The following CNTNAP3 variants were observed in gnomAD, a reference collection of about 807,000 sequenced individuals.
CNTNAP3 encodes contactin-associated protein-like 3.
A neutral mutation model predicts 92.1 loss-of-function variants in CNTNAP3; 36 were observed. The observed-to-expected ratio is 0.39, with a 90% CI of 0.30 to 0.52. The LOEUF is 0.52. CNTNAP3 is among the 20% of genes least tolerant of loss of function. CNTNAP3 has a pLI of 0.76. For missense variants in CNTNAP3, 534 were observed against 1,069.6 expected, an observed-to-expected ratio of 0.50 and a Z score of 6.98; for synonymous variants, 232 against 422.3, an observed-to-expected ratio of 0.55 and a Z score of 5.53.
intron 15 of CNTNAP3, among the ~76,000 whole-genome samples, chr9:39,107,461 A>T (rs1036174375): frequency 6.6e-6 from 1 of 152,252 alleles, no homozygotes; most frequent in East Asian, 1.9e-4. Flanking sequence ...GAACACAAGG[A>T]AAGAAAAATT....
intron 13 of CNTNAP3, among the ~76,000 whole-genome samples, chr9:39,126,289 T>C (rs1335406808): frequency 1.3e-5 from 2 of 152,162 alleles, no homozygotes; most frequent in African/African-American, 4.8e-5. Context: ...ACAAAATTTT[T>C]TAACTAAGCC....
intron 12 of CNTNAP3, among the ~76,000 whole-genome samples, chr9:39,135,996 G>A (rs1194817547): frequency 6.6e-6 from 1 of 151,832 alleles, no homozygotes; most frequent in Non-Finnish European, 1.5e-5. Context: ...GGGCGTGGTG[G>A]CACGTGCCTG....
At chr9:39,150,117 G>T in intron 9 of CNTNAP3, 140 bp from the exon 10 acceptor site, 1 of 625,054 alleles carries the variant, frequency 1.6e-6, no homozygotes, top group Non-Finnish European at 2.9e-6. Context: ...CATTAGAGAG[G>T]TGAGAAGGGG....
chr9:39,142,817 G>A (rs923352324), intron 11 of CNTNAP3, among the ~76,000 whole-genome samples: 1 of 152,128 alleles, frequency 6.6e-6, no homozygotes. Context: ...CCTCAGGACT[G>A]GGAGCGCAGA....
At chr9:39,138,137 T>A (rs1821487390) in intron 12 of CNTNAP3, among the ~76,000 whole-genome samples, 1 of 152,014 alleles carries the variant, frequency 6.6e-6, no homozygotes, top group South Asian at 2.1e-4. Flanking sequence ...CTATCTTCCC[T>A]CCTCAGCTTC....
chr9:39,077,168 T>G lies in CNTNAP3; in HGVS notation c.3745+1217A>C, dbSNP rs576598572. On this transcript the variant is annotated intron_variant, in intron 23 of 23. Coordinates refer to ENST00000297668, the MANE Select transcript of CNTNAP3 (RefSeq NM_033655.5). ...AGATTAGTTCTTTCCAAAGTATGAT[T>G]AAAAGTGAAACATACAATGGCTACT... Among the ~76,000 whole-genome samples, 30 of 152,302 alleles carry G rather than the reference T, an allele frequency of 2.0e-4. No homozygotes were observed. In the South Asian group the frequency reaches 6.2e-3, roughly 32 times the overall value.
chr9:39,068,578 G>GT lies in CNTNAP3; in HGVS notation c.*5311dup, dbSNP rs1825564070. Among the ~76,000 whole-genome samples, 3 of 152,306 alleles carry GT rather than the reference G, an allele frequency of 2.0e-5. No individual in the cohort carries two copies. The highest frequency in any genetic ancestry group is 4.4e-5 in the Non-Finnish European group (3 of 68,054). ...TGAGTGTTTCTTTCCCTTGCCTCAG[G>GT]TAGTTTCATGCACTTTGTTACACAC... On this transcript the variant is annotated 3_prime_UTR_variant, in exon 24 of 24. Transcript: ENST00000297668.
chr9:39,070,771 A>T lies in CNTNAP3; in HGVS notation c.*3119T>A, dbSNP rs952951596. 3.9e-5 allele frequency among the ~76,000 whole-genome samples: 6 copies of T among 152,290 alleles called. No homozygotes were observed. The highest frequency in any genetic ancestry group is 8.8e-5 in the Non-Finnish European group (6 of 68,044). Reference sequence around the variant, plus strand: ...TCACAGTGCATGCCTGTATCAAAACATTTCATGTACTCCATAAATATATAC... The same window carrying T: ...TCACAGTGCATGCCTGTATCAAAACTTTTCATGTACTCCATAAATATATAC... On this transcript the variant is annotated 3_prime_UTR_variant, in exon 24 of 24. Transcript: ENST00000297668.
chr9:39,079,380 ATTATC>A (rs1392316170), intron 21 of CNTNAP3, among the ~76,000 whole-genome samples: 1 of 150,692 alleles, frequency 6.6e-6, no homozygotes, highest in Non-Finnish European at 1.5e-5. Flanking sequence ...TGACTTTCAT[ATTATC>A]TTAATAAACT....
chr9:39,142,609 T>G (rs12378012), intron 11 of CNTNAP3, among the ~76,000 whole-genome samples: 22,971 of 151,230 alleles, frequency 0.15, 2,123 homozygotes, highest in East Asian at 0.2. Context: ...GAGGCAGAAC[T>G]TGCAGTGAGC....
At chr9:39,168,423 T>C (rs2872990) in intron 8 of CNTNAP3, among the ~76,000 whole-genome samples, 7 of 110,974 alleles carry the variant, frequency 6.3e-5, no homozygotes, top group African/African-American at 2.0e-4. Context: ...AGGAATACAA[T>C]TGAACTTCTT....
At chr9:39,087,695 C>A (rs900779860) in intron 19 of CNTNAP3, among the ~76,000 whole-genome samples, 16 of 152,102 alleles carry the variant, frequency 1.1e-4, no homozygotes, top group Non-Finnish European at 4.4e-5. Context: ...ACTGTGTTAG[C>A]CAGGATGGTC....
Position 39,072,712 on chromosome 9 carries a change from C to T in CNTNAP3, c.*1178G>A, listed in dbSNP as rs1216144197. Reference sequence around the variant, plus strand: ...AAAGTGATTAGATGAAAGGATAATACACAATGATATTTATGCCTAGAGCAG... The same window carrying T: ...AAAGTGATTAGATGAAAGGATAATATACAATGATATTTATGCCTAGAGCAG... On this transcript the variant is annotated 3_prime_UTR_variant, in exon 24 of 24. Coordinates refer to ENST00000297668, the MANE Select transcript of CNTNAP3 (RefSeq NM_033655.5). 1.3e-5 allele frequency: 2 copies of T among 152,028 alleles called. No individual in the cohort carries two copies. The highest frequency in any genetic ancestry group is 2.9e-5 in the Non-Finnish European group (2 of 67,996). The allele number at this position is 152,028 out of a possible 1,614,324, so 9.4% of individuals were successfully genotyped here.
chr9:39,137,877 G>C (rs1821481149), intron 12 of CNTNAP3, among the ~76,000 whole-genome samples: 1 of 151,078 alleles, frequency 6.6e-6, no homozygotes, highest in East Asian at 1.9e-4. Flanking sequence ...TTCTTTTTTT[G>C]GAGACAAGGT....
At chr9:39,075,150 A>ATT (rs549139777) in intron 23 of CNTNAP3, among the ~76,000 whole-genome samples, 18 of 131,562 alleles carry the variant, frequency 1.4e-4, no homozygotes, top group South Asian at 2.4e-4. Context: ...ATATTTATTC[A>ATT]TTTTTTTTTT....
rs1825588266 is a variant in CNTNAP3, at chr9:39,069,408, C to T, written c.*4482G>A. ...AGGGCTTTCTTAAATTTTTAGGTAC[C>T]ATCACAAGCTAGCTAAGTTAGAAAT... On this transcript the variant is annotated 3_prime_UTR_variant, in exon 24 of 24. Coordinates refer to ENST00000297668, the MANE Select transcript of CNTNAP3 (RefSeq NM_033655.5). Among the ~76,000 whole-genome samples, 1 of 152,312 alleles carries T rather than the reference C, an allele frequency of 6.6e-6. No individual in the cohort carries two copies. The highest frequency in any genetic ancestry group is 6.5e-5 in the Admixed American group (1 of 15,294).
At chr9:39,134,880 T>C (rs565931474) in intron 12 of CNTNAP3, among the ~76,000 whole-genome samples, 1 of 152,364 alleles carries the variant, frequency 6.6e-6, no homozygotes, top group African/African-American at 2.4e-5. Context: ...TTTTTGGCCA[T>C]GTGTTCATGA....
Position 39,079,752 on chromosome 9 carries a change from T to C in CNTNAP3, c.3443-832A>G, listed in dbSNP as rs1193534625. The stretch of plus-strand genomic sequence containing the variant: ...CTTTCCCTTTTGTGAGTTTGAGAGC[T>C]CAACTTCCCTAGCCCTCACAATCAA... On this transcript the variant is annotated intron_variant, in intron 21 of 23. Transcript: ENST00000297668. Among the ~76,000 whole-genome samples, 2 of 122,838 alleles carry C rather than the reference T, an allele frequency of 1.6e-5. 1 individual carries two copies. The highest frequency in any genetic ancestry group is 7.3e-5 in the African/African-American group (2 of 27,430). The allele number at this position is 122,838 out of a possible 152,430, so 80.6% of individuals were successfully genotyped here. A position where few individuals can be genotyped will look rare whatever the true frequency, so the allele number is the denominator to read the frequency against.
Position 39,109,204 on chromosome 9 carries a change from G to A in CNTNAP3, c.2321C>T (p.Ser774Phe), listed in dbSNP as rs559799738. ...IVMTDAGRPH[S>F]EAAYTLGPLL... ...TGGCCCCAGTGTATAAGCTGCTTCG[G>A]AATGTGGTCGGCCTGCGTCTGTCAT... Residue 774 changes from serine (S) to phenylalanine (F), a missense_variant, in exon 15 of 24, where the codon TCC becomes TTC. Physicochemically the swap from Ser to Phe is radical, Grantham distance 155. Transcript: ENST00000297668. 2 of 1,613,040 alleles carry A rather than the reference G, an allele frequency of 1.2e-6. No homozygotes were observed. Among genetic ancestry groups the A allele is most frequent in the Admixed American group, 1.7e-5 (1 of 59,992 alleles).
Sources: allele counts gnomAD v4.1 joint callset (sites outside exome capture counted in the v4.1 genomes callset), GRCh38; gene constraint gnomAD v4.1.1; transcripts MANE v1.5; gene names NCBI Gene and HGNC (gene_info 2026-07-23, HGNC 2026-07-21).